PRSS48: variants seen among roughly 807,000 people sequenced by gnomAD.
PRSS48 encodes epidermis-specific serine protease-like protein.
Under a neutral mutation model 25.6 loss-of-function variants are expected in PRSS48, and 21 were observed. That is an observed-to-expected ratio of 0.82 (90% CI 0.58 to 1.18). PRSS48 has a LOEUF of 1.18. PRSS48 is among the 50% of genes most tolerant of loss of function. The pLI is 0.00. For synonymous variants in PRSS48, 150 were observed against 149.3 expected (o/e 1.00, Z -0.04); for missense variants, 373 against 399.3 (o/e 0.93, Z 0.56).
intron 4 of PRSS48, among the ~76,000 whole-genome samples, chr4:151,284,034 G>A (rs889392093): frequency 2.6e-5 from 4 of 152,120 alleles, no homozygotes; most frequent in African/African-American, 9.7e-5. Context: ...GTTTGAATAT[G>A]ATGTACTAGG....
intron 4 of PRSS48, among the ~76,000 whole-genome samples, chr4:151,288,921 A>G (rs1427735755): frequency 3.3e-5 from 5 of 152,190 alleles, no homozygotes; most frequent in Non-Finnish European, 7.3e-5. Context: ...GCATATGGAA[A>G]TTCAAGGGGC....
chr4:151,286,768 C>A (rs1197084866), intron 4 of PRSS48, among the ~76,000 whole-genome samples: 2 of 151,560 alleles, frequency 1.3e-5, no homozygotes, highest in African/African-American at 2.4e-5. Context: ...TCAATTGAGG[C>A]CAGGAGTTCG....
intron 2 of PRSS48, 67 bp from the exon 3 acceptor site, chr4:151,282,081 T>C: frequency 1.3e-6 from 2 of 1,542,164 alleles, no homozygotes; most frequent in South Asian, 1.2e-5. Context: ...GACTTAGTGC[T>C]ACATATAGGC....
intron 4 of PRSS48, among the ~76,000 whole-genome samples, chr4:151,290,342 C>T (rs1203313963): frequency 6.6e-6 from 1 of 152,168 alleles, no homozygotes; most frequent in African/African-American, 2.4e-5. Context: ...TACATCCATA[C>T]AATGGAATAT....
At chr4:151,286,843 G>A (rs555578432) in intron 4 of PRSS48, among the ~76,000 whole-genome samples, 1 of 151,882 alleles carries the variant, frequency 6.6e-6, no homozygotes, top group South Asian at 2.1e-4. Flanking sequence ...AGCCAGGCAT[G>A]GTGGCATGTG....
chr4:151,283,555 T>C (rs1003494879), intron 4 of PRSS48, among the ~76,000 whole-genome samples: 15 of 148,050 alleles, frequency 1.0e-4, no homozygotes, highest in African/African-American at 3.2e-4. Context: ...CCTTGCTCTG[T>C]CACCCAGGCT....
chr4:151,286,184 G>GAAAAAAAAAAAAAAAAAAAA (rs56850648), intron 4 of PRSS48, among the ~76,000 whole-genome samples: 12 of 86,624 alleles, frequency 1.4e-4, no homozygotes, highest in Non-Finnish European at 2.0e-4. Context: ...CTGTCTTAAA[G>GAAAAAAAAAAAAAAAAAAAA]AAAAAAAAAA....
downstream of PRSS48, chr4:151,291,543 G>C (rs1354705176): frequency 1.1e-6 from 1 of 876,316 alleles, no homozygotes; most frequent in Non-Finnish European, 1.7e-6. Context: ...GGAAGTTTTG[G>C]GGTTGGAATG....
At chr4:151,280,054 T>G (rs886798001) in intron 2 of PRSS48, 96 bp downstream of exon 2, 7 of 873,720 alleles carry the variant, frequency 8.0e-6, no homozygotes, top group African/African-American at 1.6e-5. Flanking sequence ...AGTGGTAAAA[T>G]AGGCAGGGCG....
chr4:151,289,933 C>A (rs74376462), intron 4 of PRSS48, among the ~76,000 whole-genome samples: 5,620 of 152,096 alleles, frequency 0.037, 314 homozygotes, highest in African/African-American at 0.13. Flanking sequence ...AAAGAAAAAA[C>A]CGGTACACAA....
chr4:151,280,204 G>T (rs551582944), intron 2 of PRSS48, among the ~76,000 whole-genome samples: 5 of 84,376 alleles, frequency 5.9e-5, no homozygotes, highest in Admixed American at 2.6e-4. Context: ...CTAAATACCA[G>T]TCAGGAGATT....
Position 151,291,017 on chromosome 4 carries a change from G to A in PRSS48, c.652-101G>A, listed in dbSNP as rs577527129. ...CCCCTGCAGGGTTCCACAGCTCCATGGGTCTCATGGCCCAGTTTTAAAGAA... is the reference window on the plus strand; with the variant it reads ...CCCCTGCAGGGTTCCACAGCTCCATAGGTCTCATGGCCCAGTTTTAAAGAA... On this transcript the variant is annotated intron_variant, in intron 4 of 4. Transcript: ENST00000455694. 26 of 819,148 alleles carry A rather than the reference G, an allele frequency of 3.2e-5. No homozygotes were observed. In the African/African-American group the frequency reaches 3.8e-4, roughly 12 times the overall value. The allele number at this position is 819,148 out of a possible 1,614,324, so 50.7% of individuals were successfully genotyped here. A position where few individuals can be genotyped will look rare whatever the true frequency, so the allele number is the denominator to read the frequency against.
chr4:151,279,745 G>C, intron 1 of PRSS48, 51 bp from the exon 2 acceptor site: 2 of 1,564,948 alleles, frequency 1.3e-6, no homozygotes, highest in South Asian at 1.1e-5. Flanking sequence ...GTGGGGACCA[G>C]AGAAACAGGA....
intron 4 of PRSS48, among the ~76,000 whole-genome samples, chr4:151,285,538 T>C (rs560711665): frequency 1.3e-5 from 2 of 152,274 alleles, no homozygotes; most frequent in African/African-American, 2.4e-5. Flanking sequence ...AAACAACATA[T>C]CAAATCTTAT....
chr4:151,281,252 G>A (rs962516812), intron 2 of PRSS48, among the ~76,000 whole-genome samples: 7 of 152,152 alleles, frequency 4.6e-5, no homozygotes, highest in Non-Finnish European at 1.0e-4. Context: ...GAATGAGACT[G>A]GTGATGGGTA....
chr4:151,280,048 G>GC, intron 2 of PRSS48, 90 bp downstream of exon 2: 1 of 715,312 alleles, frequency 1.4e-6, no homozygotes. Context: ...AATGAAAGTG[G>GC]TAAAATAGGC....
chr4:151,277,365 A>T (rs1243708026), intron 1 of PRSS48, 141 bp downstream of exon 1: 1 of 511,088 alleles, frequency 2.0e-6, no homozygotes, highest in Non-Finnish European at 3.1e-6. Flanking sequence ...AGGCTACTAT[A>T]TACCCAGCAC....
intron 4 of PRSS48, among the ~76,000 whole-genome samples, chr4:151,287,440 G>T (rs1774917962): frequency 1.3e-5 from 2 of 150,904 alleles, no homozygotes; most frequent in Admixed American, 1.3e-4. Flanking sequence ...GGAAGCTATA[G>T]ACCAGTATCT....
At chr4:151,286,292 TAAAC>T (rs1298339017) in intron 4 of PRSS48, among the ~76,000 whole-genome samples, 1 of 91,810 alleles carries the variant, frequency 1.1e-5, no homozygotes, top group Non-Finnish European at 2.4e-5. Context: ...ATAGAGAAAA[TAAAC>T]AAAAGCAAAA....
Sources: allele counts gnomAD v4.1 joint callset (sites outside exome capture counted in the v4.1 genomes callset), GRCh38; gene constraint gnomAD v4.1.1; transcripts MANE v1.5; gene names NCBI Gene and HGNC (gene_info 2026-07-23, HGNC 2026-07-21).